Variants in CELF2 observed in about 807,000 individuals in gnomAD.
CELF2 encodes CUGBP Elav-like family member 2.
A neutral mutation model predicts 62.6 loss-of-function variants in CELF2; 8 were observed. The observed-to-expected ratio is 0.13, with a 90% CI of 0.07 to 0.23. The LOEUF (loss-of-function observed/expected upper bound fraction) is 0.23. Among genes scored for constraint, CELF2 ranks in the 10% least tolerant of loss-of-function variants. The probability of loss-of-function intolerance (pLI) is 1.00; values close to 1 mark genes in which losing one functional copy is unlikely to be tolerated. For missense variants in CELF2, 333 were observed against 671.0 expected, an observed-to-expected ratio of 0.50 and a Z score of 5.56; for synonymous variants, 258 against 250.0, an observed-to-expected ratio of 1.03 and a Z score of -0.30.
At chr10:11,007,819 C>T (rs1426924436) in intron 1 of CELF2, among the ~76,000 whole-genome samples, 1 of 152,112 alleles carries the variant, frequency 6.6e-6, no homozygotes, top group Non-Finnish European at 1.5e-5. Flanking sequence ...CCGTGGCCCG[C>T]TTAAAGAAAC....
the CELF2 span, among the ~76,000 whole-genome samples, chr10:10,499,201 G>A: frequency 2.0e-5 from 3 of 151,880 alleles, no homozygotes; most frequent in Admixed American, 6.6e-5. Context: ...CAAGTAGCTG[G>A]GAATACAGAC....
chr10:10,470,802 C>T, the CELF2 span, among the ~76,000 whole-genome samples: 2 of 150,760 alleles, frequency 1.3e-5, no homozygotes, highest in Non-Finnish European at 3.0e-5. Context: ...TCTAGTATTG[C>T]ATATTTAAAG....
chr10:10,787,656 A>G, the CELF2 span, among the ~76,000 whole-genome samples: 1 of 152,234 alleles, frequency 6.6e-6, no homozygotes, highest in Non-Finnish European at 1.5e-5. Context: ...TGTGAAAAGT[A>G]TTCTTTGTCC....
the CELF2 span, among the ~76,000 whole-genome samples, chr10:10,558,246 G>C: frequency 2.9e-3 from 440 of 152,032 alleles, 3 homozygotes; most frequent in African/African-American, 9.8e-3. Context: ...TAGCATGAAG[G>C]GTTGTTGAAT....
chr10:11,003,784 G>C (rs1164403143), upstream of CELF2, among the ~76,000 whole-genome samples: 1 of 152,068 alleles, frequency 6.6e-6, no homozygotes, highest in Non-Finnish European at 1.5e-5. The surrounding 1 kb of genome is among the most constrained non-coding windows in gnomAD (Gnocchi z 4.4). Context: ...TCGCTGGCAA[G>C]GTTGTTCATT....
At chr10:10,761,035 GGT>G in the CELF2 span, among the ~76,000 whole-genome samples, 1 of 152,042 alleles carries the variant, frequency 6.6e-6, no homozygotes, top group Non-Finnish European at 1.5e-5. Context: ...GCATAGATAT[GGT>G]ATTGTCCCAT....
intron 9 of CELF2, among the ~76,000 whole-genome samples, chr10:11,294,842 C>G (rs966372633): frequency 7.2e-5 from 11 of 152,206 alleles, no homozygotes; most frequent in Non-Finnish European, 1.6e-4. Flanking sequence ...ATCCAGGCGG[C>G]AGAGGCTGCA....
At chr10:10,660,726 C>T in the CELF2 span, among the ~76,000 whole-genome samples, 10 of 152,130 alleles carry the variant, frequency 6.6e-5, no homozygotes, top group Non-Finnish European at 1.0e-4. Context: ...AATGAATGAA[C>T]GATAGAACAT....
intron 3 of CELF2, among the ~76,000 whole-genome samples, chr10:11,245,488 C>G (rs1421387712): frequency 6.6e-6 from 1 of 152,198 alleles, no homozygotes; most frequent in African/African-American, 2.4e-5. Context: ...ACCATCTATT[C>G]AGAATTCACC....
At chr10:10,478,454 A>G in the CELF2 span, among the ~76,000 whole-genome samples, 2 of 152,070 alleles carry the variant, frequency 1.3e-5, no homozygotes, top group African/African-American at 2.4e-5. Flanking sequence ...TCTTGATAGC[A>G]TCTGATGCAG....
chr10:10,784,260 G>C, the CELF2 span, among the ~76,000 whole-genome samples: 1 of 152,306 alleles, frequency 6.6e-6, no homozygotes, highest in South Asian at 2.1e-4. Context: ...AGCACCCCTG[G>C]GTTCCAGCCC....
At chr10:10,642,694 T>C in the CELF2 span, among the ~76,000 whole-genome samples, 2 of 152,256 alleles carry the variant, frequency 1.3e-5, no homozygotes, top group African/African-American at 4.8e-5. Context: ...TTAACAGGCA[T>C]GCTTCCCCTA....
the CELF2 span, among the ~76,000 whole-genome samples, chr10:10,660,645 C>A: frequency 4.6e-5 from 7 of 152,102 alleles, no homozygotes; most frequent in African/African-American, 1.7e-4. Context: ...TTATTTTTTT[C>A]TTTATATTCC....
chr10:11,091,030 A>T (rs2048174367), intron 1 of CELF2, among the ~76,000 whole-genome samples: 1 of 152,244 alleles, frequency 6.6e-6, no homozygotes, highest in African/African-American at 2.4e-5. Context: ...GTTCAAGATC[A>T]TGTGTAGACT....
chr10:10,542,759 A>G, the CELF2 span, among the ~76,000 whole-genome samples: 1 of 152,182 alleles, frequency 6.6e-6, no homozygotes, highest in African/African-American at 2.4e-5. Flanking sequence ...TTTTAGTCCA[A>G]TTGTGACAGG....
the CELF2 span, among the ~76,000 whole-genome samples, chr10:10,519,470 C>A: frequency 1.3e-5 from 2 of 152,078 alleles, no homozygotes; most frequent in Non-Finnish European, 2.9e-5. Context: ...ATTATAGAAG[C>A]TTTGGAACCT....
the CELF2 span, among the ~76,000 whole-genome samples, chr10:10,625,017 T>A: frequency 6.6e-6 from 1 of 152,238 alleles, no homozygotes; most frequent in Non-Finnish European, 1.5e-5. Context: ...GAATATTTCT[T>A]CATGTTTACC....
At position 11,296,960 on chromosome 10, in the gene CELF2, G is replaced by A. The variant is rs1228732493; in HGVS notation, c.976+8408G>A. Among the ~76,000 whole-genome samples, 7 of 152,306 alleles carry A rather than the reference G, an allele frequency of 4.6e-5. No individual in the cohort carries two copies. The highest frequency in any genetic ancestry group is 3.9e-4 in the East Asian group (2 of 5,180). On this transcript the variant is annotated intron_variant, in intron 9 of 12. Coordinates refer to ENST00000633077, the MANE Select transcript of CELF2 (RefSeq NM_001326342.2). This position sits in a 1 kb window ranked among gnomAD's most constrained non-coding sequence, Gnocchi z 5.0. ...GGACATATGGAAAAGGATGCCCACC[G>A]GGGACCCTGAGAGCCGGGGCTCAGG... is the stretch of plus-strand genomic sequence containing the variant.
At chr10:11,070,109 T>G (rs138427829) in intron 1 of CELF2, among the ~76,000 whole-genome samples, 1,979 of 149,336 alleles carry the variant, frequency 0.013, 15 homozygotes, top group Middle Eastern at 0.024. Context: ...AATCATTCTT[T>G]AAATTCATTC....
Sources: allele counts gnomAD v4.1 joint callset (sites outside exome capture counted in the v4.1 genomes callset), GRCh38; gene constraint gnomAD v4.1.1; non-coding constraint Gnocchi (gnomAD v3.1); transcripts MANE v1.5; gene names NCBI Gene and HGNC (gene_info 2026-07-23, HGNC 2026-07-21).